The following RASGRP1 variants were observed in gnomAD, a reference collection of about 807,000 sequenced individuals.
The protein encoded by RASGRP1 is RAS guanyl releasing protein 1, also known as RAS guanyl-releasing protein 1.
In RASGRP1, 37 loss-of-function variants were observed where a neutral mutation model predicts 95.1. The ratio of observed to expected loss-of-function variants is 0.39; its 90% CI spans 0.30 to 0.51. RASGRP1 has a LOEUF of 0.51. Ranked by LOEUF, RASGRP1 falls within the 20% of genes least tolerant of loss-of-function variation. The probability of loss-of-function intolerance (pLI) is 0.80; values close to 1 mark genes in which losing one functional copy is unlikely to be tolerated. For missense variants in RASGRP1, 711 were observed against 965.4 expected, an observed-to-expected ratio of 0.74 and a Z score of 3.49; for synonymous variants, 325 against 353.4, an observed-to-expected ratio of 0.92 and a Z score of 0.90.
In RASGRP1 at chr15:38,490,554, C is replaced by T. The variant is rs769320375; in HGVS notation, c.2394G>A (p.Ter798=). 3.5e-5 allele frequency: 56 copies of T among 1,601,498 alleles called. No individual in the cohort carries two copies. The Admixed American group carries it at 8.9e-4, about 25-fold the overall frequency. ...CAGATTGTGCTACTTAGTTTCTGGGCTAAGAACAGTCACCCTGCTCCATTT... is the reference window on the plus strand; with the variant it reads ...CAGATTGTGCTACTTAGTTTCTGGGTTAAGAACAGTCACCCTGCTCCATTT... ...LAQMEQGDCS[*] The change falls in exon 17 of 17, where the codon TAG becomes TAA. Residue 798 remains the stop codon, a stop_retained_variant. Coordinates refer to ENST00000310803, the MANE Select transcript of RASGRP1 (RefSeq NM_005739.4).
At chr15:38,503,171 C>T (rs1891106965) in intron 11 of RASGRP1, 101 bp downstream of exon 11, 3 of 955,710 alleles carry the variant, frequency 3.1e-6, no homozygotes, top group African/African-American at 3.3e-5. Flanking sequence ...AGTTTCGTGC[C>T]TTTACATTTC....
At chr15:38,508,697 T>C (rs1349886535) in intron 8 of RASGRP1, among the ~76,000 whole-genome samples, 2 of 152,204 alleles carry the variant, frequency 1.3e-5, no homozygotes, top group African/African-American at 2.4e-5. Context: ...TACACCCTGC[T>C]TCAAACCTGG....
chr15:38,519,409 C>G, intron 3 of RASGRP1, 38 bp from the exon 4 acceptor site: 3 of 1,414,858 alleles, frequency 2.1e-6, no homozygotes, highest in Non-Finnish European at 2.9e-6. Context: ...ACCTCTGTTA[C>G]AGAAACCAAA....
intron 6 of RASGRP1, among the ~76,000 whole-genome samples, chr15:38,515,908 A>AGTGT (rs762200050): frequency 8.2e-4 from 95 of 116,320 alleles, no homozygotes; most frequent in Middle Eastern, 4.7e-3. Flanking sequence ...AGAGAGAGAG[A>AGTGT]GAGTGTGTGT....
intron 15 of RASGRP1, 33 bp from the exon 16 acceptor site, chr15:38,494,800 A>AG: frequency 2.2e-6 from 3 of 1,386,586 alleles, no homozygotes; most frequent in Non-Finnish European, 2.8e-6. Flanking sequence ...CTAGTACTCT[A>AG]GCTCAGGAAA....
At position 38,489,223 on chromosome 15, in the gene RASGRP1, C is replaced by G. The variant is rs1890473703; in HGVS notation, c.*1331G>C. The G allele has an allele frequency of 6.6e-6, 1 of 151,402 alleles. No individual in the cohort carries two copies. Among genetic ancestry groups the G allele is most frequent in the African/African-American group, 2.4e-5 (1 of 41,210 alleles). 9.4% of individuals were successfully genotyped at this position (151,402 alleles called of 1,614,324 possible). ...ACTTTATAGGCATGGAAGCTAAGTA[C>G]CCCCAAAAAGGAAAATGATCATATG... On this transcript the variant is annotated 3_prime_UTR_variant, in exon 17 of 17. Transcript: ENST00000310803.
intron 3 of RASGRP1, among the ~76,000 whole-genome samples, chr15:38,522,621 G>A (rs1451534407): frequency 6.6e-6 from 1 of 152,154 alleles, no homozygotes; most frequent in Non-Finnish European, 1.5e-5. Flanking sequence ...GGCTGGAAAA[G>A]TCTAGAAAAG....
chr15:38,559,786 T>C, intron 2 of RASGRP1, 35 bp downstream of exon 2: 1 of 1,578,700 alleles, frequency 6.3e-7, no homozygotes, highest in Non-Finnish European at 8.7e-7. Flanking sequence ...AGTAATAGAG[T>C]GATTTTTATG....
chr15:38,527,038 A>G (rs565747194), intron 2 of RASGRP1, among the ~76,000 whole-genome samples: 1 of 152,348 alleles, frequency 6.6e-6, no homozygotes, highest in African/African-American at 2.4e-5. Context: ...GTATTAAAGA[A>G]CATGGTTAGC....
At chr15:38,535,349 T>C (rs1001468520) in intron 2 of RASGRP1, among the ~76,000 whole-genome samples, 2 of 152,018 alleles carry the variant, frequency 1.3e-5, no homozygotes, top group East Asian at 3.9e-4. Context: ...ACACCTCTAT[T>C]CTTTCTTCCT....
intron 2 of RASGRP1, among the ~76,000 whole-genome samples, chr15:38,534,012 C>T (rs1892542744): frequency 6.6e-6 from 1 of 152,218 alleles, no homozygotes; most frequent in African/African-American, 2.4e-5. Context: ...AGCTGCAAGC[C>T]TCCTCAAGAG....
intron 2 of RASGRP1, among the ~76,000 whole-genome samples, chr15:38,556,450 G>C (rs1893555461): frequency 6.6e-6 from 1 of 152,252 alleles, no homozygotes. Flanking sequence ...ATAGCCATCA[G>C]TGAGACTTCT....
At position 38,557,859 on chromosome 15, in the gene RASGRP1, G is replaced by T. The variant is rs115541642; in HGVS notation, c.220+1962C>A. Among the ~76,000 whole-genome samples the T allele has an allele frequency of 6.0e-3, 920 of 152,174 alleles. 7 individuals carry two copies. Among genetic ancestry groups the T allele is most frequent in the African/African-American group, 0.02 (847 of 41,476 alleles). On this transcript the variant is annotated intron_variant, in intron 2 of 16. Transcript: ENST00000310803. ...ATTGTTTTCAGTTCAACATATTCCA[G>T]AACACAATATATTGTCGTTGCCTTT...
chr15:38,539,162 C>G (rs1332854555), intron 2 of RASGRP1, among the ~76,000 whole-genome samples: 1 of 152,058 alleles, frequency 6.6e-6, no homozygotes, highest in African/African-American at 2.4e-5. Context: ...TGAGGTAAAC[C>G]CTGCCCTTTC....
At chr15:38,554,784 C>T (rs1893485796) in intron 2 of RASGRP1, among the ~76,000 whole-genome samples, 1 of 152,214 alleles carries the variant, frequency 6.6e-6, no homozygotes, top group East Asian at 1.9e-4. Context: ...GCAAGTGCCC[C>T]CGAGGACCAT....
At chr15:38,513,040 G>A in intron 6 of RASGRP1, 84 bp from the exon 7 acceptor site, 2 of 1,314,930 alleles carry the variant, frequency 1.5e-6, no homozygotes, top group Non-Finnish European at 2.0e-6. Flanking sequence ...GACAAGTCCA[G>A]TCTGCTCAGT....
At chr15:38,564,181 G>A (rs1297286099) in intron 1 of RASGRP1, among the ~76,000 whole-genome samples, 1 of 152,218 alleles carries the variant, frequency 6.6e-6, no homozygotes, top group Non-Finnish European at 1.5e-5. Context: ...GGCAGGGCCG[G>A]GAGGGGCCAC....
chr15:38,510,487 A>C (rs975117550), intron 8 of RASGRP1, among the ~76,000 whole-genome samples: 1 of 152,214 alleles, frequency 6.6e-6, no homozygotes, highest in Non-Finnish European at 1.5e-5. Context: ...GGAAAAACAG[A>C]TGGGGTAATG....
intron 11 of RASGRP1, chr15:38,503,006 C>T (rs1891101022): frequency 1.9e-6 from 1 of 513,664 alleles, no homozygotes; most frequent in African/African-American, 1.9e-5. Context: ...CCCAATACTT[C>T]TGTACTCCTA....
Sources: gnomAD v4.1 joint callset for allele counts (sites outside exome capture counted in the v4.1 genomes callset) on GRCh38, gnomAD v4.1.1 for gene constraint, MANE v1.5 for transcripts, NCBI Gene and HGNC (gene_info 2026-07-23, HGNC 2026-07-21) for gene names.